Variants in SLC26A4 observed in about 807,000 individuals in gnomAD.
The protein encoded by SLC26A4 is pendrin.
A neutral mutation model predicts 90.4 loss-of-function variants in SLC26A4; 93 were observed. The observed-to-expected ratio is 1.03, with a 90% CI of 0.87 to 1.22. The LOEUF (loss-of-function observed/expected upper bound fraction) is 1.22. Ranked by LOEUF, SLC26A4 falls within the 50% of genes most tolerant of loss-of-function variation. SLC26A4 has a pLI of 0.00. For missense variants in SLC26A4, 1,127 were observed against 946.2 expected, an observed-to-expected ratio of 1.19 and a Z score of -2.51; for synonymous variants, 393 against 354.6, an observed-to-expected ratio of 1.11 and a Z score of -1.22.
At position 107,702,040 on chromosome 7, in the gene SLC26A4, G is replaced by A. The variant is rs139447781; in HGVS notation, c.2017G>A (p.Val673Met). ...GAISFLDVVG[V>M]RSLRVIVKEF... ...TATATCTTTCCTGGACGTTGTTGGAGTGAGATCACTGCGGGTGGTAAGGTT... is the reference window on the plus strand; with the variant it reads ...TATATCTTTCCTGGACGTTGTTGGAATGAGATCACTGCGGGTGGTAAGGTT... The change falls in exon 17 of 21, where the codon GTG becomes ATG. Residue 673 changes from valine (V) to methionine (M), a missense_variant. Coordinates refer to ENST00000644269, the MANE Select transcript of SLC26A4 (RefSeq NM_000441.2). 1.9e-6 allele frequency: 3 copies of A among 1,611,496 alleles called. No homozygotes were observed. Among genetic ancestry groups the A allele is most frequent in the East Asian group, 2.2e-5 (1 of 44,876 alleles).
At chr7:107,698,223 C>T in intron 14 of SLC26A4, 112 bp downstream of exon 14, 2 of 754,918 alleles carry the variant, frequency 2.6e-6, no homozygotes, top group Non-Finnish European at 4.8e-6. Flanking sequence ...TTGGGAAAGT[C>T]TGTTAGTCCA....
chr7:107,714,569 A>T (rs1792288748), intron 20 of SLC26A4, among the ~76,000 whole-genome samples: 1 of 152,200 alleles, frequency 6.6e-6, no homozygotes. Flanking sequence ...GTAAAAACTC[A>T]TATGTCAACA....
chr7:107,702,405 G>A (rs924902538), intron 17 of SLC26A4, among the ~76,000 whole-genome samples: 4 of 152,110 alleles, frequency 2.6e-5, no homozygotes, highest in African/African-American at 9.7e-5. Context: ...AGAGTGTCTG[G>A]TTCAGGCTGG....
intron 14 of SLC26A4, 72 bp downstream of exon 14, chr7:107,698,183 T>C: frequency 1.0e-6 from 1 of 968,318 alleles, no homozygotes. Context: ...CCATTTTACG[T>C]ACAAGGTAGC....
intron 19 of SLC26A4, among the ~76,000 whole-genome samples, chr7:107,710,707 C>A (rs888815283): frequency 1.3e-5 from 2 of 152,174 alleles, no homozygotes; most frequent in African/African-American, 2.4e-5. Context: ...TGATGGGAGG[C>A]CTCATGGCAC....
chr7:107,691,363 G>C (rs1040995245), intron 10 of SLC26A4, among the ~76,000 whole-genome samples: 1 of 151,862 alleles, frequency 6.6e-6, no homozygotes, highest in African/African-American at 2.4e-5. Context: ...TTAGCCAGGT[G>C]TGGTGGTAGA....
At position 107,672,173 on chromosome 7, in the gene SLC26A4, G is replaced by A. The variant is rs368844392; in HGVS notation, c.340G>A (p.Gly114Arg). 125 of 1,612,786 alleles carry A rather than the reference G, an allele frequency of 7.8e-5. No individual in the cohort carries two copies. Among genetic ancestry groups the A allele is most frequent in the Non-Finnish European group, 9.6e-5 (113 of 1,179,180 alleles). The change falls in exon 4 of 21, where the codon GGA (glycine) becomes AGA (arginine). Residue 114 changes from glycine (G) to arginine (R), a missense_variant. Transcript: ENST00000644269. ...TGCCCTACTAGCTGCAGTTCCTGTC[G>A]GATATGGTCTCTACTCTGCTTTTTT... Reference protein sequence around the residue: ...AYALLAAVPVGYGLYSAFFPI... With the variant: ...AYALLAAVPVRYGLYSAFFPI...
intron 6 of SLC26A4, among the ~76,000 whole-genome samples, chr7:107,675,437 G>A (rs974492621): frequency 1.3e-5 from 2 of 151,846 alleles, no homozygotes; most frequent in African/African-American, 4.8e-5. Flanking sequence ...AGCCCTGGAG[G>A]TTGAGGCTGC....
chr7:107,668,672 T>C (rs1334164197), intron 3 of SLC26A4, among the ~76,000 whole-genome samples: 1 of 152,224 alleles, frequency 6.6e-6, no homozygotes, highest in African/African-American at 2.4e-5. Flanking sequence ...TATTCACAAC[T>C]TTAAGGAGTC....
In SLC26A4 at chr7:107,675,163, T is replaced by C. The variant is rs1790988204; in HGVS notation, c.765+54T>C. The C allele has an allele frequency of 6.4e-6, 10 of 1,561,418 alleles. No individual in the cohort carries two copies. In the Admixed American group the frequency reaches 1.7e-4, roughly 26 times the overall value. Reference sequence around the variant, plus strand: ...GGTCACTGTTCATTCCAGAAACAATTGTATTCATTCTCTGAGTCTGGGCCA... The same window carrying C: ...GGTCACTGTTCATTCCAGAAACAATCGTATTCATTCTCTGAGTCTGGGCCA... On this transcript the variant is annotated intron_variant, in intron 6 of 20. Transcript: ENST00000644269.
At chr7:107,691,818 A>G (rs1390449004) in intron 10 of SLC26A4, 1 of 1,051,604 alleles carries the variant, frequency 9.5e-7, no homozygotes, top group African/African-American at 1.7e-5. Context: ...GAGCAGGTAA[A>G]ATAATACAGC....
At chr7:107,662,345 T>C (rs1373416766) in intron 2 of SLC26A4, among the ~76,000 whole-genome samples, 1 of 152,036 alleles carries the variant, frequency 6.6e-6, no homozygotes, top group Non-Finnish European at 1.5e-5. Flanking sequence ...AACCCAAACA[T>C]GCCGTAACTA....
chr7:107,705,170 G>A (rs201630878), intron 18 of SLC26A4, among the ~76,000 whole-genome samples: 15 of 152,072 alleles, frequency 9.9e-5, no homozygotes, highest in Non-Finnish European at 1.9e-4. Context: ...GATTTTCCCC[G>A]TTTTGATCAG....
chr7:107,679,364 A>G (rs554718880), intron 6 of SLC26A4, among the ~76,000 whole-genome samples: 3 of 152,320 alleles, frequency 2.0e-5, no homozygotes, highest in East Asian at 3.9e-4. Flanking sequence ...ATTGATCTAT[A>G]CATGTATACA....
Position 107,690,253 on chromosome 7 carries a change from T to G in SLC26A4, c.1263+16T>G. ...AAAGACACAGGTAGGAACAACAGCC[T>G]TATGATATCCATCTCAGAGAACAAG... On this transcript the variant is annotated intron_variant, in intron 10 of 20. Coordinates refer to ENST00000644269, the MANE Select transcript of SLC26A4 (RefSeq NM_000441.2). The G allele has an allele frequency of 2.2e-6, 3 of 1,368,882 alleles. No individual in the cohort carries two copies. The highest frequency in any genetic ancestry group is 3.1e-6 in the Non-Finnish European group (3 of 955,712). The allele number at this position is 1,368,882 out of a possible 1,614,324, so 84.8% of individuals were successfully genotyped here. A position where few individuals can be genotyped will look rare whatever the true frequency, so the allele number is the denominator to read the frequency against.
At chr7:107,706,930 G>A (rs1299833667) in intron 18 of SLC26A4, among the ~76,000 whole-genome samples, 1 of 152,194 alleles carries the variant, frequency 6.6e-6, no homozygotes, top group Non-Finnish European at 1.5e-5. Context: ...AGCACTTTGG[G>A]AAGCCAAGGC....
intron 18 of SLC26A4, among the ~76,000 whole-genome samples, chr7:107,705,195 A>T (rs1792008556): frequency 6.6e-6 from 1 of 152,150 alleles, no homozygotes; most frequent in African/African-American, 2.4e-5. Context: ...TCACCTAGGT[A>T]AGAGTGAACA....
At position 107,716,732 on chromosome 7, in the gene SLC26A4, TCCCC is replaced by T. The variant is rs1387926986; in HGVS notation, c.*1287_*1290del. 8 of 152,174 alleles carry T rather than the reference TCCCC, an allele frequency of 5.3e-5. No individual in the cohort carries two copies. Among genetic ancestry groups the T allele is most frequent in the African/African-American group, 1.9e-4 (8 of 41,450 alleles). 9.4% of individuals were successfully genotyped at this position (152,174 alleles called of 1,614,324 possible). On this transcript the variant is annotated 3_prime_UTR_variant, in exon 21 of 21. Transcript: ENST00000644269. ...TTTCTAGAGAAAAGTTATACCCAGG[TCCCC>T]AATTGAGAATGTCTTGCTTGATTGA...
rs186886516 is a variant in SLC26A4 at position 107,709,265 on chromosome 7, A to G, written c.2090-789A>G. 4.2e-3 allele frequency among the ~76,000 whole-genome samples: 637 copies of G among 152,210 alleles called. 35 individuals carry two copies. The highest frequency in any genetic ancestry group is 0.042 in the Admixed American group (636 of 15,282). ...GCCATGTGTGGGGATGAAACCTCCC[A>G]GTTCTCTTTATTTACTTATTTATTT... On this transcript the variant is annotated intron_variant, in intron 18 of 20. Transcript: ENST00000644269.
Sources: gnomAD v4.1 joint callset for allele counts (sites outside exome capture counted in the v4.1 genomes callset) on GRCh38, gnomAD v4.1.1 for gene constraint, MANE v1.5 for transcripts, NCBI Gene and HGNC (gene_info 2026-07-23, HGNC 2026-07-21) for gene names.